The following PLA1A variants were observed in gnomAD, a reference collection of about 807,000 sequenced individuals.
PLA1A encodes phospholipase A1 member A, also known as phosphatidylserine-specific phospholipase A1alpha.
Under a neutral mutation model 49.4 loss-of-function variants are expected in PLA1A, and 47 were observed. The observed-to-expected ratio is 0.95, with a 90% confidence interval of 0.75 to 1.21. PLA1A has a LOEUF of 1.21. Among genes scored for constraint, PLA1A ranks in the 50% most tolerant of loss-of-function variants. The probability of loss-of-function intolerance (pLI) is 0.00; values close to 1 mark genes in which losing one functional copy is unlikely to be tolerated. For synonymous variants in PLA1A, 224 were observed against 207.9 expected, an observed-to-expected ratio of 1.08 and a Z score of -0.67; for missense variants, 561 against 563.9, an observed-to-expected ratio of 0.99 and a Z score of 0.05.
At chr3:119,609,094 C>T in intron 3 of PLA1A, 147 bp downstream of exon 3, 1 of 646,006 alleles carries the variant, frequency 1.5e-6, no homozygotes. Context: ...GACTTTGCCA[C>T]TCACAGCACT....
In PLA1A at chr3:119,619,631, A is replaced by G; in HGVS notation, c.991A>G (p.Thr331Ala). 2 of 1,612,238 alleles carry G rather than the reference A, an allele frequency of 1.2e-6. No homozygotes were observed. Among genetic ancestry groups the G allele is most frequent in the South Asian group, 2.2e-5 (2 of 91,046 alleles). Reference protein sequence around the residue: ...PKEVKVYLLTTSSAPYCMHHS... With the variant: ...PKEVKVYLLTASSAPYCMHHS... Reference sequence around the variant, plus strand: ...GGAAGTGAAAGTCTACCTCCTGACTACTTCCAGTGCTCCGTACTGCAGTGA... The same window carrying G: ...GGAAGTGAAAGTCTACCTCCTGACTGCTTCCAGTGCTCCGTACTGCAGTGA... Residue 331 changes from threonine (T) to alanine (A), a missense_variant, in exon 8 of 11, where the codon ACT becomes GCT. By Grantham distance (58) the Thr-to-Ala change is moderately conservative. Transcript: ENST00000273371.
chr3:119,622,087 AAAGAAG>A lies in PLA1A; in HGVS notation c.1012+2451_1012+2456del, dbSNP rs150974548. Among the ~76,000 whole-genome samples, 972 of 114,252 alleles carry A rather than the reference AAAGAAG, an allele frequency of 8.5e-3. 11 individuals are homozygous for A. The highest frequency in any genetic ancestry group is 0.036 in the African/African-American group (890 of 24,788). The allele number at this position is 114,252 out of a possible 152,430, so 75.0% of individuals were successfully genotyped here. A position where few individuals can be genotyped will look rare whatever the true frequency, so the allele number is the denominator to read the frequency against. ...AGAGAGCAAGAACCTGTTTCTGAAG[AAAGAAG>A]AAGAAGAAGAAGAAGGAGAAGGAGA... On this transcript the variant is annotated intron_variant, in intron 8 of 10. Coordinates refer to ENST00000273371, the MANE Select transcript of PLA1A (RefSeq NM_015900.4).
At chr3:119,623,657 G>A (rs1023882576) in intron 8 of PLA1A, among the ~76,000 whole-genome samples, 1 of 151,790 alleles carries the variant, frequency 6.6e-6, no homozygotes, top group Non-Finnish European at 1.5e-5. Context: ...CTTCCCTGAC[G>A]CTGGGTGTGT....
At chr3:119,601,170 C>T (rs1175187573) in intron 1 of PLA1A, among the ~76,000 whole-genome samples, 2 of 152,230 alleles carry the variant, frequency 1.3e-5, no homozygotes, top group Non-Finnish European at 2.9e-5. Context: ...GCCACAGAAT[C>T]AAAACTGTTT....
intron 8 of PLA1A, chr3:119,620,019 G>C: frequency 2.2e-6 from 1 of 463,194 alleles, no homozygotes; most frequent in South Asian, 1.6e-5. Context: ...CAGCCTCCAA[G>C]GTTGGGGTCC....
chr3:119,623,223 C>T (rs1383200335), intron 8 of PLA1A, among the ~76,000 whole-genome samples: 2 of 152,154 alleles, frequency 1.3e-5, no homozygotes, highest in African/African-American at 2.4e-5. Flanking sequence ...TTCACTGCAG[C>T]TACAACCTCC....
Position 119,629,588 on chromosome 3 carries a change from C to T in PLA1A, c.*120C>T. The T allele has an allele frequency of 1.6e-6, 1 of 642,464 alleles. No individual in the cohort carries two copies. 39.8% of individuals were successfully genotyped at this position (642,464 alleles called of 1,614,324 possible). ...ATTACTACTAAGGAGAAAAGCAAAGCTCTTTCTTATTTTCCTCATAATCAG... is the reference window on the plus strand; with the variant it reads ...ATTACTACTAAGGAGAAAAGCAAAGTTCTTTCTTATTTTCCTCATAATCAG... On this transcript the variant is annotated 3_prime_UTR_variant, in exon 11 of 11. Coordinates refer to ENST00000273371, the MANE Select transcript of PLA1A (RefSeq NM_015900.4).
chr3:119,615,500 G>C (rs911330058), intron 5 of PLA1A, among the ~76,000 whole-genome samples: 6 of 152,140 alleles, frequency 3.9e-5, no homozygotes, highest in African/African-American at 1.4e-4. Flanking sequence ...ATTTTCTTAG[G>C]CAAATATGAG....
chr3:119,605,726 G>A (rs999453663), intron 1 of PLA1A, among the ~76,000 whole-genome samples: 4 of 152,248 alleles, frequency 2.6e-5, no homozygotes, highest in Admixed American at 6.5e-5. Context: ...GGGGATCGGG[G>A]TGTGATGCTG....
intron 8 of PLA1A, among the ~76,000 whole-genome samples, chr3:119,624,787 C>T (rs1436303393): frequency 2.6e-5 from 4 of 152,282 alleles, no homozygotes; most frequent in Admixed American, 2.6e-4. Context: ...CCCGCCACCA[C>T]ACCTGGCTAA....
intron 1 of PLA1A, among the ~76,000 whole-genome samples, chr3:119,603,748 G>A (rs758326945): frequency 3.9e-5 from 6 of 152,192 alleles, no homozygotes; most frequent in Non-Finnish European, 7.3e-5. Context: ...CTCCACCAAA[G>A]GGATGTGAAG....
chr3:119,607,074 A>C, intron 2 of PLA1A, 99 bp downstream of exon 2: 1 of 916,222 alleles, frequency 1.1e-6, no homozygotes, highest in Non-Finnish European at 1.8e-6. Context: ...GAATGAATTT[A>C]CCAATGGCCA....
intron 1 of PLA1A, among the ~76,000 whole-genome samples, chr3:119,603,806 T>C (rs1204950496): frequency 6.6e-6 from 1 of 152,186 alleles, no homozygotes; most frequent in East Asian, 1.9e-4. Context: ...AAAGAAAATA[T>C]TTGATTGATT....
intron 9 of PLA1A, 45 bp downstream of exon 9, chr3:119,625,277 G>C (rs759456579): frequency 7.9e-7 from 1 of 1,269,912 alleles, no homozygotes; most frequent in African/African-American, 1.5e-5. Flanking sequence ...TTAGGAGTTG[G>C]TTACTTTTTC....
rs558749657 is a variant in PLA1A at position 119,628,689 on chromosome 3, C to T, written c.1122-12C>T. On this transcript the variant is annotated splice_polypyrimidine_tract_variant and intron_variant, in intron 9 of 10. Transcript: ENST00000273371. ...TACAGTCATTTACTTTCCCTTTACC[C>T]TTTTCTTGCAGACCTAAGCAGCAAC... is the stretch of plus-strand genomic sequence containing the variant. The T allele has an allele frequency of 1.0e-4, 168 of 1,613,584 alleles. No individual in the cohort carries two copies. In the South Asian group the frequency reaches 1.7e-3, roughly 17 times the overall value.
intron 1 of PLA1A, among the ~76,000 whole-genome samples, chr3:119,601,964 T>C (rs1355490273): frequency 6.6e-6 from 1 of 152,172 alleles, no homozygotes; most frequent in African/African-American, 2.4e-5. Context: ...TTAATACTTT[T>C]TTTAATGTTA....
chr3:119,598,331 A>T (rs1312790324), intron 1 of PLA1A, among the ~76,000 whole-genome samples: 5 of 152,148 alleles, frequency 3.3e-5, no homozygotes, highest in African/African-American at 1.2e-4. Context: ...CCATTCCAAG[A>T]TATATTTAAT....
intron 8 of PLA1A, among the ~76,000 whole-genome samples, chr3:119,624,775 C>T (rs2052490657): frequency 1.3e-5 from 2 of 152,188 alleles, no homozygotes; most frequent in East Asian, 1.9e-4. Context: ...GGATTACAGG[C>T]ACCCGCCACC....
At chr3:119,608,245 A>AAAGAAAG (rs1491273595) in intron 2 of PLA1A, among the ~76,000 whole-genome samples, 2 of 43,322 alleles carry the variant, frequency 4.6e-5, no homozygotes, top group African/African-American at 1.5e-4. Flanking sequence ...AGAAAGAGAG[A>AAAGAAAG]AAGAAAGAAA....
Sources: gnomAD v4.1 joint callset for allele counts (sites outside exome capture counted in the v4.1 genomes callset) on GRCh38, gnomAD v4.1.1 for gene constraint, MANE v1.5 for transcripts, NCBI Gene and HGNC (gene_info 2026-07-23, HGNC 2026-07-21) for gene names.